Variants in GTF2E2 observed in about 807,000 individuals in gnomAD.
GTF2E2 encodes the protein transcription initiation factor IIE subunit beta.
A neutral mutation model predicts 40.5 loss-of-function variants in GTF2E2; 21 were observed. That is an observed-to-expected ratio of 0.52 (90% CI 0.37 to 0.75). The LOEUF is 0.75. GTF2E2 is among the 30% of genes least tolerant of loss of function. The pLI is 0.00. For synonymous variants in GTF2E2, 117 were observed against 121.6 expected (o/e 0.96, Z 0.25); for missense variants, 298 against 338.4 (o/e 0.88, Z 0.94).
At chr8:30,654,856 T>A (rs1802404656) in intron 1 of GTF2E2, among the ~76,000 whole-genome samples, 2 of 152,200 alleles carry the variant, frequency 1.3e-5, no homozygotes, top group Admixed American at 1.3e-4. Flanking sequence ...CCATCAGAAC[T>A]GCTTATACAT....
At chr8:30,582,674 G>A (rs891207885) in intron 6 of GTF2E2, among the ~76,000 whole-genome samples, 1 of 152,100 alleles carries the variant, frequency 6.6e-6, no homozygotes. Flanking sequence ...TTCCATTTGG[G>A]TTTGTCTAGT....
intron 6 of GTF2E2, among the ~76,000 whole-genome samples, chr8:30,606,838 T>G (rs1829329055): frequency 6.6e-6 from 1 of 152,182 alleles, no homozygotes; most frequent in Non-Finnish European, 1.5e-5. Context: ...GAACTGCGAT[T>G]GTAAGTATAA....
rs886818276 is a variant in GTF2E2, at chr8:30,650,939, G to A, written c.166+2494C>T. Among the ~76,000 whole-genome samples the A allele has an allele frequency of 3.8e-4, 57 of 151,214 alleles. 1 individual carries two copies. The highest frequency in any genetic ancestry group is 2.6e-3 in the Admixed American group (40 of 15,160). ...TGAGGCAGGAGAACAGCATGAACCCGGGAAGTGGAGCTTGCACTGAGCTGA... is the reference window on the plus strand; with the variant it reads ...TGAGGCAGGAGAACAGCATGAACCCAGGAAGTGGAGCTTGCACTGAGCTGA... On this transcript the variant is annotated intron_variant, in intron 2 of 7. Coordinates refer to ENST00000355904, the MANE Select transcript of GTF2E2 (RefSeq NM_002095.6).
At chr8:30,634,598 T>TG (rs1801530875) in intron 3 of GTF2E2, among the ~76,000 whole-genome samples, 1 of 152,208 alleles carries the variant, frequency 6.6e-6, no homozygotes, top group African/African-American at 2.4e-5. Context: ...TCAGTAAATG[T>TG]CTAATTTTCT....
intron 3 of GTF2E2, among the ~76,000 whole-genome samples, chr8:30,615,325 G>A (rs185347257): frequency 4.6e-5 from 7 of 151,986 alleles, no homozygotes; most frequent in Admixed American, 6.6e-5. Context: ...ACAGAAACGC[G>A]CAGATTGCAA....
At chr8:30,586,285 TTTC>T (rs1054128881) in intron 6 of GTF2E2, among the ~76,000 whole-genome samples, 4 of 152,180 alleles carry the variant, frequency 2.6e-5, no homozygotes, top group African/African-American at 7.2e-5. Flanking sequence ...ATCAAAATAA[TTTC>T]TTGTGTGCTA....
chr8:30,580,253 T>G (rs779375127), intron 7 of GTF2E2, 28 bp downstream of exon 7: 1 of 1,231,330 alleles, frequency 8.1e-7, no homozygotes, highest in Non-Finnish European at 1.2e-6. Context: ...GGGCAGGGGA[T>G]TAAGCTGCTT....
At chr8:30,627,448 CAAAAAAAAA>C (rs71539905) in intron 3 of GTF2E2, among the ~76,000 whole-genome samples, 7 of 64,770 alleles carry the variant, frequency 1.1e-4, no homozygotes, top group Admixed American at 4.0e-4. Context: ...ACCTCTCTTG[CAAAAAAAAA>C]AAAAAAAAAA....
intron 2 of GTF2E2, among the ~76,000 whole-genome samples, chr8:30,647,007 C>CAAAAAA (rs1554563128): frequency 1.3e-5 from 1 of 75,064 alleles, no homozygotes; most frequent in Non-Finnish European, 2.9e-5. Context: ...AAAAAAAAAG[C>CAAAAAA]AACCGAAAAG....
intron 3 of GTF2E2, among the ~76,000 whole-genome samples, chr8:30,617,270 A>G (rs1800948761): frequency 6.6e-6 from 1 of 152,156 alleles, no homozygotes; most frequent in South Asian, 2.1e-4. Context: ...CACACCACAC[A>G]AAAGAACCAT....
Position 30,578,907 on chromosome 8 carries a change from G to A in GTF2E2, c.*14C>T. On this transcript the variant is annotated 3_prime_UTR_variant, in exon 8 of 8. Coordinates refer to ENST00000355904, the MANE Select transcript of GTF2E2 (RefSeq NM_002095.6). ...TTGTGTATCTGTAACTCTGTTCCAG[G>A]GCAAAACTGTTCCCTATTTGCTGGA... is the stretch of plus-strand genomic sequence containing the variant. 1 of 1,286,364 alleles carries A rather than the reference G, an allele frequency of 7.8e-7. No homozygotes were observed. Among genetic ancestry groups the A allele is most frequent in the South Asian group, 1.2e-5 (1 of 84,414 alleles). 79.7% of individuals were successfully genotyped at this position (1,286,364 alleles called of 1,614,324 possible).
intron 2 of GTF2E2, among the ~76,000 whole-genome samples, chr8:30,640,309 T>C (rs1034302301): frequency 1.3e-5 from 2 of 152,220 alleles, no homozygotes; most frequent in African/African-American, 4.8e-5. Flanking sequence ...AACTTTATTC[T>C]CATCTGGCAA....
At chr8:30,580,465 A>T in intron 6 of GTF2E2, 69 bp from the exon 7 acceptor site, 1 of 892,642 alleles carries the variant, frequency 1.1e-6, no homozygotes, top group East Asian at 2.4e-5. Flanking sequence ...ATCAAAATCC[A>T]GGTTTCAGTG....
chr8:30,644,414 C>T (rs1210194136), intron 2 of GTF2E2: 1 of 152,180 alleles, frequency 6.6e-6, no homozygotes, highest in African/African-American at 2.4e-5. Context: ...TCACAGATCA[C>T]TCTAACCTAA....
At chr8:30,623,855 A>G (rs1172154060) in intron 3 of GTF2E2, among the ~76,000 whole-genome samples, 7 of 151,154 alleles carry the variant, frequency 4.6e-5, no homozygotes, top group Non-Finnish European at 7.4e-5. Flanking sequence ...CCACTTTTTG[A>G]TGGGGTTTTT....
intron 3 of GTF2E2, 44 bp from the exon 4 acceptor site, chr8:30,614,759 C>T (rs1244853375): frequency 1.9e-6 from 2 of 1,027,448 alleles, no homozygotes; most frequent in Admixed American, 3.7e-5. Flanking sequence ...TTTCAAAATG[C>T]TAGATGCATT....
chr8:30,645,454 T>A (rs1198206176), intron 2 of GTF2E2: 1 of 1,535,704 alleles, frequency 6.5e-7, no homozygotes, highest in Non-Finnish European at 8.7e-7. Flanking sequence ...AGTGGTATCT[T>A]TAGTGGTGCT....
chr8:30,622,238 GC>G (rs1801125365), intron 3 of GTF2E2, among the ~76,000 whole-genome samples: 1 of 149,902 alleles, frequency 6.7e-6, no homozygotes, highest in Non-Finnish European at 1.5e-5. Context: ...CTAAGTGTTG[GC>G]CAGTTTGAAA....
intron 6 of GTF2E2, among the ~76,000 whole-genome samples, chr8:30,600,106 G>A (rs1829133268): frequency 6.6e-6 from 1 of 152,152 alleles, no homozygotes; most frequent in Non-Finnish European, 1.5e-5. Context: ...TAAGCTTCCA[G>A]TAAGTAAAAA....
Sources: allele counts gnomAD v4.1 joint callset (sites outside exome capture counted in the v4.1 genomes callset), GRCh38; gene constraint gnomAD v4.1.1; transcripts MANE v1.5; gene names NCBI Gene and HGNC (gene_info 2026-07-23, HGNC 2026-07-21).